The following TYW1B variants were observed in gnomAD, a reference collection of about 807,000 sequenced individuals.
TYW1B encodes the protein tRNA-yW synthesizing protein 1 homolog B.
In TYW1B, 73 loss-of-function variants were observed where a neutral mutation model predicts 86.9. That is an observed-to-expected ratio of 0.84 (90% CI 0.70 to 1.02). The LOEUF is 1.02. TYW1B is among the 50% of genes least tolerant of loss of function. The pLI is 0.00. For synonymous variants in TYW1B, 248 were observed against 292.8 expected (o/e 0.85, Z 1.56); for missense variants, 637 against 827.4 (o/e 0.77, Z 2.82).
chr7:72,679,071 A>G (rs1813808102), intron 11 of TYW1B, among the ~76,000 whole-genome samples: 1 of 152,142 alleles, frequency 6.6e-6, no homozygotes, highest in Non-Finnish European at 1.5e-5. Context: ...CACTGCATCC[A>G]GTCTGCCAAT....
chr7:72,751,125 C>T (rs1485205060), intron 7 of TYW1B, among the ~76,000 whole-genome samples: 4 of 151,842 alleles, frequency 2.6e-5, no homozygotes, highest in African/African-American at 9.7e-5. Flanking sequence ...GCAACCTCCA[C>T]CTCCTGGGTT....
intron 11 of TYW1B, among the ~76,000 whole-genome samples, chr7:72,693,088 T>C (rs577140689): frequency 5.3e-5 from 8 of 152,248 alleles, no homozygotes; most frequent in Admixed American, 3.3e-4. Flanking sequence ...ACCAGGAAAC[T>C]GTCATTTTTT....
Position 72,807,527 on chromosome 7 carries a change from C to T in TYW1B, c.433-171G>A, listed in dbSNP as rs541453742. On this transcript the variant is annotated intron_variant, in intron 4 of 13. Transcript: ENST00000620995. ...AAGCCTTCAAGCTCCAGCCTTGACC[C>T]AGAAGAGGGTCATTTTATGTATTCT... Among the ~76,000 whole-genome samples the T allele has an allele frequency of 2.0e-5, 3 of 152,198 alleles. No homozygotes were observed. In the South Asian group the frequency reaches 6.2e-4, roughly 32 times the overall value.
At chr7:72,707,427 G>A (rs13221451) in intron 10 of TYW1B, among the ~76,000 whole-genome samples, 2 of 152,160 alleles carry the variant, frequency 1.3e-5, no homozygotes, top group Non-Finnish European at 1.5e-5. Flanking sequence ...CTAAATAAAT[G>A]ATTGTTAGTT....
At chr7:72,707,669 G>A (rs1446309632) in intron 10 of TYW1B, among the ~76,000 whole-genome samples, 7 of 152,178 alleles carry the variant, frequency 4.6e-5, no homozygotes, top group Admixed American at 3.9e-4. Context: ...CTTCTACACA[G>A]CATCCACAAC....
chr7:72,623,043 G>C (rs1554438252), intron 12 of TYW1B, among the ~76,000 whole-genome samples: 2 of 152,224 alleles, frequency 1.3e-5, no homozygotes, highest in Non-Finnish European at 2.9e-5. Context: ...AAGGAAGGAA[G>C]AGTTTCCTAA....
At chr7:72,818,194 G>A (rs1788760138) in intron 2 of TYW1B, among the ~76,000 whole-genome samples, 1 of 151,904 alleles carries the variant, frequency 6.6e-6, no homozygotes, top group South Asian at 2.1e-4. Flanking sequence ...CCAAGTGGAT[G>A]TTGGCACCAT....
intron 6 of TYW1B, among the ~76,000 whole-genome samples, chr7:72,782,981 A>AG (rs1328928929): frequency 3.3e-5 from 5 of 152,244 alleles, no homozygotes; most frequent in Non-Finnish European, 7.3e-5. Context: ...CAGGATGGGC[A>AG]TTCGGTAAAT....
Position 72,713,732 on chromosome 7 carries a change from A to G in TYW1B, c.1259T>C (p.Leu420Pro), listed in dbSNP as rs782201165. The change falls in exon 10 of 14, where the codon CTC (leucine) becomes CCC (proline). Residue 420 changes from leucine (L) to proline (P), a missense_variant. Leu to Pro is a moderately conservative substitution (Grantham distance 98, BLOSUM62 -3). Coordinates refer to ENST00000620995, the MANE Select transcript of TYW1B (RefSeq NM_001145440.3). ...GMTVKHCALS[L>P]VGEPIMYPEI... ...TGGGTACATTATTGGTTCTCCCACG[A>G]GGGACAATGCACAGTGCTTTACCGT... The G allele has an allele frequency of 1.9e-6, 3 of 1,613,442 alleles. No homozygotes were observed. The South Asian group carries it at 3.3e-5, about 18-fold the overall frequency.
At chr7:72,722,146 A>G (rs1786916129) in intron 9 of TYW1B, among the ~76,000 whole-genome samples, 1 of 152,198 alleles carries the variant, frequency 6.6e-6, no homozygotes, top group African/African-American at 2.4e-5. Context: ...AGTTTCTGAA[A>G]ACAATTAACA....
chr7:72,626,925 C>A (rs543264079), intron 12 of TYW1B, among the ~76,000 whole-genome samples: 1 of 151,958 alleles, frequency 6.6e-6, no homozygotes, highest in East Asian at 1.9e-4. Context: ...TCCTAGTGCA[C>A]CTATATTTAC....
chr7:72,664,160 T>G (rs1236380162), intron 11 of TYW1B, among the ~76,000 whole-genome samples: 2 of 152,158 alleles, frequency 1.3e-5, no homozygotes, highest in African/African-American at 4.8e-5. Flanking sequence ...TTGCCAAACA[T>G]TATGACAATC....
At chr7:72,581,802 C>G (rs1431493008) in intron 13 of TYW1B, among the ~76,000 whole-genome samples, 15 of 152,130 alleles carry the variant, frequency 9.9e-5, no homozygotes, top group Non-Finnish European at 1.9e-4. Context: ...CGCAGACACT[C>G]TGTCACCCAG....
At chr7:72,623,865 G>A (rs1389537605) in intron 12 of TYW1B, among the ~76,000 whole-genome samples, 4 of 151,966 alleles carry the variant, frequency 2.6e-5, no homozygotes, top group Non-Finnish European at 4.4e-5. Flanking sequence ...ACAGTGGCAC[G>A]ATCTCAGCTC....
intron 11 of TYW1B, among the ~76,000 whole-genome samples, chr7:72,683,519 G>A (rs35757999): frequency 6.6e-6 from 1 of 152,128 alleles, no homozygotes; most frequent in Non-Finnish European, 1.5e-5. Flanking sequence ...GCAGTGAGCC[G>A]AGATCGTGCC....
intron 3 of TYW1B, 104 bp downstream of exon 3, chr7:72,815,276 T>C: frequency 9.4e-7 from 1 of 1,065,600 alleles, no homozygotes; most frequent in Non-Finnish European, 1.3e-6. Context: ...AGCACGAAAA[T>C]TAAATTTATT....
chr7:72,675,572 TAC>T (rs563885862), intron 11 of TYW1B, among the ~76,000 whole-genome samples: 1,810 of 149,278 alleles, frequency 0.012, 49 homozygotes, highest in African/African-American at 0.039. Flanking sequence ...CATATATATA[TAC>T]ACACACACAT....
chr7:72,783,165 G>C (rs1235155746), intron 6 of TYW1B, among the ~76,000 whole-genome samples: 1 of 152,156 alleles, frequency 6.6e-6, no homozygotes, highest in Admixed American at 6.5e-5. Flanking sequence ...TTGGGAGGCT[G>C]AGGCGGGCAG....
chr7:72,679,763 A>T (rs1563056801), intron 11 of TYW1B, among the ~76,000 whole-genome samples: 2 of 152,330 alleles, frequency 1.3e-5, no homozygotes, highest in East Asian at 3.8e-4. Context: ...TTACATTATT[A>T]TATAAAGTTT....
Sources: gnomAD v4.1 joint callset for allele counts (sites outside exome capture counted in the v4.1 genomes callset) on GRCh38, gnomAD v4.1.1 for gene constraint, MANE v1.5 for transcripts, NCBI Gene and HGNC (gene_info 2026-07-23, HGNC 2026-07-21) for gene names.